DLEU7: variants seen among roughly 807,000 people sequenced by gnomAD.
DLEU7 encodes the protein leukemia-associated protein 7.
Under a neutral mutation model 16.0 loss-of-function variants are expected in DLEU7, and 17 were observed. The ratio of observed to expected loss-of-function variants is 1.06; its 90% CI spans 0.73 to 1.59. The LOEUF (loss-of-function observed/expected upper bound fraction) is 1.59, where lower values mean the gene tolerates loss of function less well. Ranked by LOEUF, DLEU7 falls within the 40% of genes most tolerant of loss-of-function variation. The probability of loss-of-function intolerance (pLI) is 0.00; values close to 1 mark genes in which losing one functional copy is unlikely to be tolerated. For missense variants in DLEU7, 308 were observed against 314.9 expected (o/e 0.98, Z 0.17); for synonymous variants, 113 against 139.8 (o/e 0.81, Z 1.35).
downstream of DLEU7, among the ~76,000 whole-genome samples, chr13:50,822,247 A>G (rs1876929260): frequency 6.6e-6 from 1 of 152,216 alleles, no homozygotes; most frequent in Non-Finnish European, 1.5e-5. Context: ...AGAGTGGGTG[A>G]GATTAAAAAG....
chr13:50,801,850 GA>G (rs1413982095), intron 1 of DLEU7, among the ~76,000 whole-genome samples: 2 of 152,054 alleles, frequency 1.3e-5, no homozygotes, highest in Non-Finnish European at 2.9e-5. Context: ...ATTGCCAATA[GA>G]TTTATTATTA....
At chr13:50,805,285 T>A (rs1035963019) in intron 1 of DLEU7, among the ~76,000 whole-genome samples, 16 of 152,212 alleles carry the variant, frequency 1.1e-4, no homozygotes, top group African/African-American at 3.9e-4. Flanking sequence ...TGTTGGAGTT[T>A]ATCAAATGTC....
chr13:50,838,321 T>C (rs1877537903), intron 1 of DLEU7, among the ~76,000 whole-genome samples: 1 of 152,236 alleles, frequency 6.6e-6, no homozygotes, highest in South Asian at 2.1e-4. Flanking sequence ...TTCTTCTGCC[T>C]CTGAAAGTTA....
At chr13:50,789,977 T>G (rs988493917) in intron 1 of DLEU7, among the ~76,000 whole-genome samples, 3 of 151,134 alleles carry the variant, frequency 2.0e-5, no homozygotes, top group Admixed American at 2.0e-4. Context: ...AGTCTCGCTC[T>G]GTTGCCCAGG....
chr13:50,750,152 T>C (rs1446022303), intron 1 of DLEU7, among the ~76,000 whole-genome samples: 1 of 152,210 alleles, frequency 6.6e-6, no homozygotes, highest in Non-Finnish European at 1.5e-5. Context: ...CTCCTATATG[T>C]GGCTAGCCAA....
At chr13:50,750,636 C>T (rs944377763) in intron 1 of DLEU7, among the ~76,000 whole-genome samples, 5 of 152,012 alleles carry the variant, frequency 3.3e-5, no homozygotes, top group Admixed American at 1.3e-4. Flanking sequence ...TTCCTTGTAG[C>T]GGTCTTTCAC....
intron 1 of DLEU7, among the ~76,000 whole-genome samples, chr13:50,757,680 G>C (rs1404891574): frequency 6.6e-6 from 1 of 152,210 alleles, no homozygotes; most frequent in Non-Finnish European, 1.5e-5. Flanking sequence ...CACAGGCTGA[G>C]TGGATGGGTA....
At chr13:50,816,060 CTCAT>C (rs1314235755) in intron 1 of DLEU7, among the ~76,000 whole-genome samples, 1 of 152,050 alleles carries the variant, frequency 6.6e-6, no homozygotes, top group Non-Finnish European at 1.5e-5. Flanking sequence ...CCTCTTGTCT[CTCAT>C]TCATTAATCT....
downstream of DLEU7, chr13:50,822,495 A>G (rs1385327555): frequency 1.3e-4 from 7 of 54,458 alleles, no homozygotes; most frequent in Non-Finnish European, 1.7e-4. Context: ...ACTGTTGTTG[A>G]AAAAAAAAAA....
intron 1 of DLEU7, among the ~76,000 whole-genome samples, chr13:50,753,399 C>T (rs1333036532): frequency 2.0e-5 from 3 of 152,148 alleles, no homozygotes; most frequent in East Asian, 3.9e-4. Context: ...CAGGAGCACA[C>T]GGAGGGGGTG....
intron 1 of DLEU7, among the ~76,000 whole-genome samples, chr13:50,753,991 C>G (rs1451557866): frequency 6.6e-6 from 1 of 152,136 alleles, no homozygotes; most frequent in African/African-American, 2.4e-5. Flanking sequence ...TTTGAAGGTT[C>G]CTTTTGGAGT....
chr13:50,819,439 G>A (rs1876831262), downstream of DLEU7, among the ~76,000 whole-genome samples: 1 of 152,008 alleles, frequency 6.6e-6, no homozygotes, highest in South Asian at 2.1e-4. Flanking sequence ...GTTTTTTACT[G>A]TGGCTGATGT....
At chr13:50,718,623 C>T (rs1873504463) in intron 1 of DLEU7, among the ~76,000 whole-genome samples, 1 of 152,144 alleles carries the variant, frequency 6.6e-6, no homozygotes, top group South Asian at 2.1e-4. Flanking sequence ...TATTGCTTTC[C>T]CCACCATGGG....
At chr13:50,796,265 A>G (rs1340450484) in intron 1 of DLEU7, among the ~76,000 whole-genome samples, 1 of 152,214 alleles carries the variant, frequency 6.6e-6, no homozygotes, top group Non-Finnish European at 1.5e-5. Context: ...TTATAACAAT[A>G]TGCCAGCATC....
intron 1 of DLEU7, among the ~76,000 whole-genome samples, chr13:50,729,055 G>A (rs1873843992): frequency 6.6e-6 from 1 of 151,348 alleles, no homozygotes. Context: ...GTTTCAGAGA[G>A]ACATGTGCAG....
chr13:50,728,802 C>A (rs1206403043), intron 1 of DLEU7, among the ~76,000 whole-genome samples: 2 of 152,020 alleles, frequency 1.3e-5, no homozygotes, highest in African/African-American at 4.8e-5. Flanking sequence ...ACACATTTCT[C>A]TCAAATGCTA....
chr13:50,833,071 A>G (rs144869106), intron 1 of DLEU7, among the ~76,000 whole-genome samples: 1,808 of 152,314 alleles, frequency 0.012, 40 homozygotes, highest in African/African-American at 0.041. Context: ...GCTATTTATG[A>G]CAAACCCACA....
At chr13:50,842,304 C>G (rs1877691736) in intron 1 of DLEU7, among the ~76,000 whole-genome samples, 1 of 152,130 alleles carries the variant, frequency 6.6e-6, no homozygotes. Context: ...CCTCATCACC[C>G]CTCCCCAACT....
rs1873518207 is a variant in DLEU7 at position 50,719,013 on chromosome 13, A to G, written c.460-5773T>C. The stretch of plus-strand genomic sequence containing the variant: ...TTAAAGTCACTAGGAATTAACTTAC[A>G]CACCTGGAAATGCTCAGACCTGTCC... On this transcript the variant is annotated intron_variant, in intron 1 of 1. Transcript: ENST00000400393. 2.0e-5 allele frequency among the ~76,000 whole-genome samples: 3 copies of G among 152,220 alleles called. No homozygotes were observed. In the South Asian group the frequency reaches 6.2e-4, roughly 32 times the overall value.
Sources: gnomAD v4.1 joint callset for allele counts (sites outside exome capture counted in the v4.1 genomes callset) on GRCh38, gnomAD v4.1.1 for gene constraint, MANE v1.5 for transcripts, NCBI Gene and HGNC (gene_info 2026-07-23, HGNC 2026-07-21) for gene names.